Variants in PTAFR observed in about 807,000 individuals in gnomAD.
The protein encoded by PTAFR is platelet activating factor receptor.
A neutral mutation model predicts 14.7 loss-of-function variants in PTAFR; 8 were observed. The ratio of observed to expected loss-of-function variants is 0.54; its 90% CI spans 0.32 to 0.98. PTAFR has a LOEUF of 0.98. PTAFR is among the 50% of genes least tolerant of loss of function. The pLI is 0.04. For missense variants in PTAFR, 337 were observed against 451.2 expected (o/e 0.75, Z 2.29); for synonymous variants, 156 against 176.5 (o/e 0.88, Z 0.92).
chr1:28,187,758 C>T (rs747899919), intron 1 of PTAFR, among the ~76,000 whole-genome samples: 4 of 152,148 alleles, frequency 2.6e-5, no homozygotes, highest in East Asian at 1.9e-4. Flanking sequence ...GCTGGGATTA[C>T]GGGCGTGAGG....
chr1:28,193,159 T>C (rs1646669333), intron 1 of PTAFR, among the ~76,000 whole-genome samples: 1 of 152,098 alleles, frequency 6.6e-6, no homozygotes, highest in African/African-American at 2.4e-5. Flanking sequence ...GTACAGATGG[T>C]TGCATTGCTG....
intron 1 of PTAFR, among the ~76,000 whole-genome samples, chr1:28,186,712 G>T (rs1646609748): frequency 6.6e-6 from 1 of 152,074 alleles, no homozygotes; most frequent in African/African-American, 2.4e-5. Flanking sequence ...GTCGCCTGAG[G>T]TCGGGAGTTC....
chr1:28,164,232 T>C (rs1646357639), intron 1 of PTAFR, among the ~76,000 whole-genome samples: 1 of 152,248 alleles, frequency 6.6e-6, no homozygotes, highest in Admixed American at 6.5e-5. Context: ...CCAGTCCTGC[T>C]AGCTCTTAAC....
At position 28,161,327 on chromosome 1, in the gene PTAFR, G is replaced by C. The variant is rs187873080; in HGVS notation, c.-38-10268C>G. Among the ~76,000 whole-genome samples the C allele has an allele frequency of 9.5e-3, 1,442 of 152,280 alleles. 17 individuals carry two copies. Among genetic ancestry groups the C allele is most frequent in the Non-Finnish European group, 0.015 (991 of 68,012 alleles). ...GTTATTGACATCCTTCTGGGTGTTG[G>C]GCACTATGTTGGGGAGACTGCAGAA... On this transcript the variant is annotated intron_variant, in intron 1 of 1. Transcript: ENST00000373857.
chr1:28,149,981 T>C lies in PTAFR; in HGVS notation c.*12A>G, dbSNP rs1646159976. The C allele has an allele frequency of 6.2e-7, 1 of 1,603,514 alleles. No homozygotes were observed. The highest frequency in any genetic ancestry group is 8.5e-7 in the Non-Finnish European group (1 of 1,174,152). ...TTCATGGAGGAGAAGACTTCAGGCC[T>C]GGAAGCAGGGACTAATTTTTGAGGG... is the stretch of plus-strand genomic sequence containing the variant. On this transcript the variant is annotated 3_prime_UTR_variant, in exon 2 of 2. Coordinates refer to ENST00000373857, the MANE Select transcript of PTAFR (RefSeq NM_000952.5).
chr1:28,189,254 T>A (rs1646631315), intron 1 of PTAFR, among the ~76,000 whole-genome samples: 1 of 151,000 alleles, frequency 6.6e-6, no homozygotes, highest in Non-Finnish European at 1.5e-5. Context: ...GACATTTGTA[T>A]GATTCTTCAG....
intron 1 of PTAFR, among the ~76,000 whole-genome samples, chr1:28,153,495 C>G (rs1020595738): frequency 6.7e-6 from 1 of 148,748 alleles, no homozygotes; most frequent in African/African-American, 2.5e-5. Flanking sequence ...CCTGTAATCC[C>G]AACACTTTGG....
intron 1 of PTAFR, among the ~76,000 whole-genome samples, chr1:28,188,436 A>G (rs1646623905): frequency 6.6e-6 from 1 of 151,820 alleles, no homozygotes; most frequent in Non-Finnish European, 1.5e-5. Flanking sequence ...ACAGAGGGGG[A>G]CTCTGTCTCA....
intron 1 of PTAFR, among the ~76,000 whole-genome samples, chr1:28,158,566 C>A (rs1646292030): frequency 6.6e-6 from 1 of 152,140 alleles, no homozygotes; most frequent in African/African-American, 2.4e-5. Context: ...GGTGTGGTGG[C>A]ACGCATCTGT....
At chr1:28,171,539 A>G (rs1349486346) in intron 1 of PTAFR, among the ~76,000 whole-genome samples, 1 of 152,142 alleles carries the variant, frequency 6.6e-6, no homozygotes, top group African/African-American at 2.4e-5. Context: ...TCCAAGATGC[A>G]GAAGGATTTG....
upstream of PTAFR, among the ~76,000 whole-genome samples, chr1:28,178,379 G>T (rs914211706): frequency 6.6e-6 from 1 of 151,902 alleles, no homozygotes; most frequent in African/African-American, 2.4e-5. Context: ...TCCTGCCTCA[G>T]CCTCTGGAGT....
chr1:28,157,510 G>C (rs1646278199), intron 1 of PTAFR, among the ~76,000 whole-genome samples: 1 of 151,864 alleles, frequency 6.6e-6, no homozygotes, highest in South Asian at 2.1e-4. Flanking sequence ...ATCAAAAGGA[G>C]TATTACTGAT....
intron 1 of PTAFR, among the ~76,000 whole-genome samples, chr1:28,183,602 C>T (rs1010230456): frequency 6.6e-6 from 1 of 152,180 alleles, no homozygotes; most frequent in Non-Finnish European, 1.5e-5. Context: ...CCACTCCAGC[C>T]TGGGTAACAG....
chr1:28,186,411 C>T lies in PTAFR; in HGVS notation c.-39+7311G>A, dbSNP rs575443460. Among the ~76,000 whole-genome samples, 9 of 152,232 alleles carry T rather than the reference C, an allele frequency of 5.9e-5. No individual in the cohort carries two copies. In the East Asian group the frequency reaches 1.7e-3, roughly 29 times the overall value. On this transcript the variant is annotated intron_variant, in intron 1 of 1. Coordinates refer to the PTAFR transcript ENST00000305392. Reference sequence around the variant, plus strand: ...TGTCAATATAATCAAAATACAAATTCTTTCCAATTTAATCTATAAATTCAG... The same window carrying T: ...TGTCAATATAATCAAAATACAAATTTTTTCCAATTTAATCTATAAATTCAG...
chr1:28,155,535 G>A (rs928546291), intron 1 of PTAFR, among the ~76,000 whole-genome samples: 4 of 152,042 alleles, frequency 2.6e-5, no homozygotes, highest in Non-Finnish European at 5.9e-5. Context: ...CTGGCCAAGT[G>A]CAACTCATGC....
chr1:28,159,319 G>C (rs1557687952), intron 1 of PTAFR, among the ~76,000 whole-genome samples: 1 of 152,190 alleles, frequency 6.6e-6, no homozygotes, highest in East Asian at 1.9e-4. Context: ...CATGCTTGAG[G>C]CCTAAGGGAA....
At chr1:28,154,783 G>A (rs1315617631) in intron 1 of PTAFR, among the ~76,000 whole-genome samples, 3 of 122,200 alleles carry the variant, frequency 2.5e-5, no homozygotes, top group African/African-American at 6.3e-5. Context: ...TTGCGCTCCA[G>A]CCTGGGTGAC....
upstream of PTAFR, among the ~76,000 whole-genome samples, chr1:28,177,495 C>T (rs1057513334): frequency 6.6e-6 from 1 of 152,144 alleles, no homozygotes; most frequent in Non-Finnish European, 1.5e-5. Flanking sequence ...CTCAAGGGAT[C>T]CTTCCGCCTC....
At chr1:28,159,588 A>T (rs953123884) in intron 1 of PTAFR, among the ~76,000 whole-genome samples, 1 of 152,188 alleles carries the variant, frequency 6.6e-6, no homozygotes, top group African/African-American at 2.4e-5. Flanking sequence ...CTGTAATCCC[A>T]GCACTTTGGG....
Sources: gnomAD v4.1 joint callset for allele counts (sites outside exome capture counted in the v4.1 genomes callset) on GRCh38, gnomAD v4.1.1 for gene constraint, MANE v1.5 for transcripts, NCBI Gene and HGNC (gene_info 2026-07-23, HGNC 2026-07-21) for gene names.